Variants in GABRG3 observed in about 807,000 individuals in gnomAD.
GABRG3 encodes gamma-aminobutyric acid type A receptor subunit gamma3, also known as gamma-aminobutyric acid receptor subunit gamma-3.
A neutral mutation model predicts 48.8 loss-of-function variants in GABRG3; 25 were observed. That is an observed-to-expected ratio of 0.51 (90% confidence interval 0.37 to 0.72). GABRG3 has a LOEUF of 0.72. Among genes scored for constraint, GABRG3 ranks in the 30% least tolerant of loss-of-function variants. The probability of loss-of-function intolerance (pLI) is 0.00; values close to 1 mark genes in which losing one functional copy is unlikely to be tolerated. For synonymous variants in GABRG3, 227 were observed against 217.6 expected (o/e 1.04, Z -0.38); for missense variants, 394 against 577.9 (o/e 0.68, Z 3.26).
intron 5 of GABRG3, among the ~76,000 whole-genome samples, chr15:27,377,524 T>C (rs1895636138): frequency 6.6e-6 from 1 of 152,182 alleles, no homozygotes; most frequent in African/African-American, 2.4e-5. Flanking sequence ...GCATGTCTCT[T>C]GTGGTGGCAG....
chr15:27,217,721 G>A (rs1399294471), intron 3 of GABRG3, among the ~76,000 whole-genome samples: 7 of 152,188 alleles, frequency 4.6e-5, no homozygotes, highest in Non-Finnish European at 1.0e-4. Flanking sequence ...ACAGAGGGAC[G>A]AAGGAAAGCA....
At chr15:27,040,678 T>G (rs1896260344) in intron 3 of GABRG3, among the ~76,000 whole-genome samples, 1 of 152,242 alleles carries the variant, frequency 6.6e-6, no homozygotes. Flanking sequence ...CTTGGAACTG[T>G]GCAGGGAAAA....
Position 27,351,910 on chromosome 15 carries a change from AGT to A in GABRG3, c.574+23033_574+23034del, listed in dbSNP as rs779452424. Reference sequence around the variant, plus strand: ...GTGTGTGTATGGTGTATGTATGTATAGTGTGTGTGTGTTTGTGTGTGTATGGT... The same window carrying A: ...GTGTGTGTATGGTGTATGTATGTATAGTGTGTGTGTTTGTGTGTGTATGGT... On this transcript the variant is annotated intron_variant, in intron 5 of 9. Coordinates refer to ENST00000615808, the MANE Select transcript of GABRG3 (RefSeq NM_033223.5). Among the ~76,000 whole-genome samples the A allele has an allele frequency of 9.3e-4, 116 of 125,056 alleles. 1 individual carries two copies. The Middle Eastern group carries it at 0.045, about 48-fold the overall frequency. 82.0% of individuals were successfully genotyped at this position (125,056 alleles called of 152,430 possible). A position where few individuals can be genotyped will look rare whatever the true frequency, so the allele number is the denominator to read the frequency against.
At chr15:27,517,789 T>G (rs530806161) in intron 6 of GABRG3, among the ~76,000 whole-genome samples, 21 of 152,328 alleles carry the variant, frequency 1.4e-4, no homozygotes, top group African/African-American at 5.1e-4. Context: ...TAGGAAATGA[T>G]GTAATTTTAG....
chr15:27,348,269 A>C (rs1236778422), intron 5 of GABRG3, among the ~76,000 whole-genome samples: 1 of 152,174 alleles, frequency 6.6e-6, no homozygotes, highest in African/African-American at 2.4e-5. Context: ...AGCAGTAAGA[A>C]TCTCATGCTG....
chr15:27,114,225 A>C (rs1001082901), intron 3 of GABRG3, among the ~76,000 whole-genome samples: 2 of 152,198 alleles, frequency 1.3e-5, no homozygotes, highest in Non-Finnish European at 2.9e-5. Context: ...TTCCTTTTCT[A>C]CCAAATAGTA....
intron 2 of GABRG3, among the ~76,000 whole-genome samples, chr15:27,008,054 G>A (rs1242679515): frequency 6.6e-6 from 1 of 152,140 alleles, no homozygotes; most frequent in Non-Finnish European, 1.5e-5. Flanking sequence ...ACTACAGCTA[G>A]TGTTACATAT....
chr15:27,423,150 C>T (rs1324472523), intron 5 of GABRG3, among the ~76,000 whole-genome samples: 1 of 139,498 alleles, frequency 7.2e-6, no homozygotes, highest in African/African-American at 2.7e-5. Flanking sequence ...TGTACATCAT[C>T]AAGAGTTATG....
At chr15:27,484,392 G>A (rs1890171499) in intron 6 of GABRG3, among the ~76,000 whole-genome samples, 2 of 152,098 alleles carry the variant, frequency 1.3e-5, no homozygotes, top group South Asian at 2.1e-4. Context: ...AGTGTACCTT[G>A]GAATTATCGG....
chr15:26,976,025 G>A lies in GABRG3; in HGVS notation c.54-977G>A, dbSNP rs1894935705. Among the ~76,000 whole-genome samples the A allele has an allele frequency of 6.6e-6, 1 of 152,022 alleles. No homozygotes were observed. Among genetic ancestry groups the A allele is most frequent in the South Asian group, 2.1e-4 (1 of 4,824 alleles). On this transcript the variant is annotated intron_variant, in intron 1 of 9. Transcript: ENST00000615808. The surrounding 1 kb of genome is among the most constrained non-coding windows in gnomAD (Gnocchi z 7.8). ...TCCAAGCCCAAATAACTATGGTGTTGAGACGGCCTCACTCATTGAGAAAAC... is the reference window on the plus strand; with the variant it reads ...TCCAAGCCCAAATAACTATGGTGTTAAGACGGCCTCACTCATTGAGAAAAC...
chr15:27,207,804 G>A (rs763799528), intron 3 of GABRG3, among the ~76,000 whole-genome samples: 6 of 152,164 alleles, frequency 3.9e-5, no homozygotes, highest in Non-Finnish European at 8.8e-5. Flanking sequence ...TTACATTTCT[G>A]CAGACCTCCT....
At chr15:27,050,921 A>G (rs1896445358) in intron 3 of GABRG3, among the ~76,000 whole-genome samples, 1 of 152,204 alleles carries the variant, frequency 6.6e-6, no homozygotes, top group Admixed American at 6.5e-5. Context: ...CAAATTATGT[A>G]GTTTTTAAAC....
In GABRG3 at chr15:27,359,327, A is replaced by G. The variant is rs1055105843; in HGVS notation, c.574+30439A>G. Among the ~76,000 whole-genome samples, 3 of 152,260 alleles carry G rather than the reference A, an allele frequency of 2.0e-5. No individual in the cohort carries two copies. In the East Asian group the frequency reaches 5.8e-4, roughly 29 times the overall value. On this transcript the variant is annotated intron_variant, in intron 5 of 9. Coordinates refer to ENST00000615808, the MANE Select transcript of GABRG3 (RefSeq NM_033223.5). ...TGCTTAAAATGTTATGTCATTAAAAATGAAATATGTTCCTTTTATTGCTTA... is the reference window on the plus strand; with the variant it reads ...TGCTTAAAATGTTATGTCATTAAAAGTGAAATATGTTCCTTTTATTGCTTA...
chr15:27,300,217 A>G (rs1892149172), intron 3 of GABRG3, among the ~76,000 whole-genome samples: 1 of 152,332 alleles, frequency 6.6e-6, no homozygotes, highest in South Asian at 2.1e-4. Context: ...TTATGATGTT[A>G]ACATTTAAAA....
chr15:27,147,494 T>C (rs1383326783), intron 3 of GABRG3, among the ~76,000 whole-genome samples: 1 of 152,060 alleles, frequency 6.6e-6, no homozygotes, highest in East Asian at 1.9e-4. Context: ...CCAATGACAG[T>C]GGAATACATA....
chr15:27,516,855 G>A (rs1274251795), intron 6 of GABRG3, among the ~76,000 whole-genome samples: 5 of 152,220 alleles, frequency 3.3e-5, no homozygotes, highest in African/African-American at 1.2e-4. Flanking sequence ...AGCAATTATT[G>A]AGAATGGATT....
At chr15:27,408,927 G>A (rs1423811358) in intron 5 of GABRG3, among the ~76,000 whole-genome samples, 1 of 152,094 alleles carries the variant, frequency 6.6e-6, no homozygotes, top group Non-Finnish European at 1.5e-5. Context: ...AAATCATCTT[G>A]TACAGTATGT....
At chr15:27,284,164 C>T (rs772090167) in intron 3 of GABRG3, among the ~76,000 whole-genome samples, 34 of 152,228 alleles carry the variant, frequency 2.2e-4, no homozygotes, top group Non-Finnish European at 4.0e-4. Context: ...AGTTTGTGGC[C>T]TGATAAAATA....
intron 3 of GABRG3, among the ~76,000 whole-genome samples, chr15:27,118,883 A>G (rs1474560846): frequency 5.3e-5 from 8 of 152,148 alleles, no homozygotes; most frequent in Admixed American, 5.2e-4. Flanking sequence ...AAATGTTGCA[A>G]CCTAGTTTCA....
Sources: gnomAD v4.1 joint callset for allele counts (sites outside exome capture counted in the v4.1 genomes callset) on GRCh38, gnomAD v4.1.1 for gene constraint, Gnocchi (gnomAD v3.1) non-coding constraint, MANE v1.5 for transcripts, NCBI Gene and HGNC (gene_info 2026-07-23, HGNC 2026-07-21) for gene names.